Variants in DLGAP2 observed in about 807,000 individuals in gnomAD.
DLGAP2 encodes DLG associated protein 2.
DLGAP2 carries 26 observed loss-of-function variants against 100.3 expected under a neutral mutation model. The observed-to-expected ratio is 0.26, with a 90% CI of 0.19 to 0.36. The LOEUF is 0.36. Among genes scored for constraint, DLGAP2 ranks in the 10% least tolerant of loss-of-function variants. The pLI is 1.00. For synonymous variants in DLGAP2, 886 were observed against 630.1 expected (o/e 1.41, Z -6.08); for missense variants, 1,858 against 1,453.2 (o/e 1.28, Z -4.53).
At chr8:1,467,568 C>T (rs533111533) in intron 3 of DLGAP2, among the ~76,000 whole-genome samples, 2 of 152,208 alleles carry the variant, frequency 1.3e-5, no homozygotes, top group South Asian at 2.1e-4. Flanking sequence ...TGGGAGACCA[C>T]GGGCATTTGG....
chr8:1,106,294 C>T (rs934988079), intron 2 of DLGAP2, among the ~76,000 whole-genome samples: 2 of 144,208 alleles, frequency 1.4e-5, no homozygotes, highest in South Asian at 2.2e-4. Context: ...CTGAAGGAGG[C>T]CATTCTAGAA....
chr8:1,541,846 G>A (rs1276864026), intron 4 of DLGAP2, among the ~76,000 whole-genome samples: 4 of 152,234 alleles, frequency 2.6e-5, no homozygotes, highest in South Asian at 2.1e-4. Flanking sequence ...GAACTGAAGC[G>A]AGAACAGAAA....
At chr8:1,193,578 C>A (rs191889461) in intron 2 of DLGAP2, among the ~76,000 whole-genome samples, 1 of 152,174 alleles carries the variant, frequency 6.6e-6, no homozygotes, top group Admixed American at 6.5e-5. Context: ...GCTGGATATA[C>A]GCTGCTGTGT....
chr8:1,302,779 A>T (rs1012969973), intron 3 of DLGAP2, among the ~76,000 whole-genome samples: 2 of 152,376 alleles, frequency 1.3e-5, no homozygotes, highest in East Asian at 3.9e-4. Flanking sequence ...CCATGGAGCG[A>T]CCTTGCCCAG....
chr8:1,594,584 C>T (rs142498473), intron 6 of DLGAP2, among the ~76,000 whole-genome samples: 91 of 152,124 alleles, frequency 6.0e-4, no homozygotes, highest in African/African-American at 2.0e-3. Context: ...AGAAAGCTTA[C>T]AGAACTTACG....
At chr8:1,621,369 AG>A (rs1478241305) in intron 6 of DLGAP2, 2 of 151,920 alleles carry the variant, frequency 1.3e-5, no homozygotes, top group African/African-American at 4.9e-5. Context: ...CACGAGGACC[AG>A]GGCAAAGGAG....
At chr8:1,687,967 G>C (rs898432814) in intron 12 of DLGAP2, among the ~76,000 whole-genome samples, 2 of 152,272 alleles carry the variant, frequency 1.3e-5, no homozygotes, top group African/African-American at 4.8e-5. Flanking sequence ...CAAAAGCAAA[G>C]ATGATTCCTC....
chr8:1,091,723 G>A (rs1157347654), intron 2 of DLGAP2, among the ~76,000 whole-genome samples: 3 of 152,252 alleles, frequency 2.0e-5, no homozygotes, highest in African/African-American at 7.2e-5. Context: ...GGTTGTTGAC[G>A]TTGCGTGTCT....
At chr8:1,577,557 C>T (rs1214977141) in intron 6 of DLGAP2, among the ~76,000 whole-genome samples, 3 of 111,844 alleles carry the variant, frequency 2.7e-5, no homozygotes, top group African/African-American at 1.1e-4. Flanking sequence ...CACAGAATTA[C>T]ACTCTCTCTC....
intron 3 of DLGAP2, among the ~76,000 whole-genome samples, chr8:1,428,824 A>G (rs575899334): frequency 6.6e-6 from 1 of 152,162 alleles, no homozygotes; most frequent in Non-Finnish European, 1.5e-5. Flanking sequence ...GCCTTAAACA[A>G]AATCTGGCAT....
intron 2 of DLGAP2, among the ~76,000 whole-genome samples, chr8:1,158,044 G>C (rs1796824306): frequency 6.6e-6 from 1 of 152,232 alleles, no homozygotes; most frequent in African/African-American, 2.4e-5. Flanking sequence ...GCCCACCCTA[G>C]CTTATGGCAC....
At chr8:1,455,902 G>A (rs1019993113) in intron 3 of DLGAP2, among the ~76,000 whole-genome samples, 15 of 152,296 alleles carry the variant, frequency 9.8e-5, no homozygotes, top group Admixed American at 3.3e-4. Context: ...GCCTCTGCCC[G>A]GCACGAAATC....
At chr8:819,655 C>T (rs902357137) in intron 1 of DLGAP2, among the ~76,000 whole-genome samples, 2 of 152,142 alleles carry the variant, frequency 1.3e-5, no homozygotes, top group Non-Finnish European at 2.9e-5. Context: ...CTGTACTGTG[C>T]ATGACAGAGT....
intron 5 of DLGAP2, among the ~76,000 whole-genome samples, chr8:1,559,805 T>G (rs1802098023): frequency 6.6e-6 from 1 of 152,046 alleles, no homozygotes; most frequent in African/African-American, 2.4e-5. Context: ...CAGCGTGAGC[T>G]CCCCCGTGCC....
chr8:1,528,360 C>G (rs553636554), intron 4 of DLGAP2, among the ~76,000 whole-genome samples: 1 of 152,324 alleles, frequency 6.6e-6, no homozygotes, highest in South Asian at 2.1e-4. Context: ...GGCATTGTTC[C>G]CACCCCAGTG....
At chr8:1,678,116 T>G in intron 11 of DLGAP2, 98 bp from the exon 12 acceptor site, 3 of 1,389,792 alleles carry the variant, frequency 2.2e-6, no homozygotes, top group Non-Finnish European at 2.9e-6. Context: ...GCCAGGCTGT[T>G]GAGCTCAGGT....
chr8:1,156,973 T>C (rs1299782064), intron 2 of DLGAP2, among the ~76,000 whole-genome samples: 1 of 152,060 alleles, frequency 6.6e-6, no homozygotes, highest in Non-Finnish European at 1.5e-5. Context: ...AATTCTCCAC[T>C]GTTACAGCTC....
intron 2 of DLGAP2, among the ~76,000 whole-genome samples, chr8:1,047,012 A>G (rs952043398): frequency 6.6e-6 from 1 of 152,126 alleles, no homozygotes; most frequent in Non-Finnish European, 1.5e-5. Context: ...ATACCATAAA[A>G]TTTACTCATT....
chr8:911,365 G>A (rs963406652), intron 2 of DLGAP2, among the ~76,000 whole-genome samples: 1 of 151,946 alleles, frequency 6.6e-6, no homozygotes, highest in Non-Finnish European at 1.5e-5. Context: ...GAGGATATGT[G>A]TATAACATAT....
Sources: allele counts gnomAD v4.1 joint callset (sites outside exome capture counted in the v4.1 genomes callset), GRCh38; gene constraint gnomAD v4.1.1; transcripts MANE v1.5; gene names NCBI Gene and HGNC (gene_info 2026-07-23, HGNC 2026-07-21).